Variants in NKD1 observed in about 807,000 individuals in gnomAD.
The protein encoded by NKD1 is protein naked cuticle homolog 1.
A neutral mutation model predicts 56.0 loss-of-function variants in NKD1; 21 were observed. The observed-to-expected ratio is 0.38, with a 90% confidence interval of 0.27 to 0.54. NKD1 has a LOEUF of 0.54. Among genes scored for constraint, NKD1 ranks in the 20% least tolerant of loss-of-function variants. The pLI is 0.82. For missense variants in NKD1, 578 were observed against 642.7 expected, an observed-to-expected ratio of 0.90 and a Z score of 1.09; for synonymous variants, 263 against 265.7, an observed-to-expected ratio of 0.99 and a Z score of 0.10.
At chr16:50,613,542 C>T (rs1351185105) in intron 4 of NKD1, 1 of 152,238 alleles carries the variant, frequency 6.6e-6, no homozygotes, top group Non-Finnish European at 1.5e-5. Flanking sequence ...CTACAGTCCC[C>T]CCAGAAGCTG....
At position 50,630,846 on chromosome 16, in the gene NKD1, C is replaced by A; in HGVS notation, c.631C>A (p.Arg211=). 1 of 1,605,510 alleles carries A rather than the reference C, an allele frequency of 6.2e-7. No homozygotes were observed. The highest frequency in any genetic ancestry group is 2.2e-5 in the East Asian group (1 of 44,514). ...NQADLQSARP[R]AETKPTEDLR... is the part of the protein sequence containing the mutation. ...CTCAGACCTGCAGAGCGCAAGGCCC[C>A]GAGCAGAGACCAAGCCCACTGAGGA... The change falls in exon 8 of 10, where the codon CGA becomes AGA. Residue 211 remains arginine, a synonymous_variant. Coordinates refer to ENST00000268459, the MANE Select transcript of NKD1 (RefSeq NM_033119.5).
intron 3 of NKD1, chr16:50,572,995 C>A: frequency 4.9e-6 from 2 of 407,948 alleles, no homozygotes; most frequent in African/African-American, 2.2e-5. Context: ...CAAATGTAGG[C>A]AACTTTCCTA....
At chr16:50,617,831 G>A (rs1482178907) in intron 4 of NKD1, among the ~76,000 whole-genome samples, 2 of 152,236 alleles carry the variant, frequency 1.3e-5, no homozygotes, top group Admixed American at 6.5e-5. Flanking sequence ...AACTGTCTGT[G>A]CCCTGCTCAT....
chr16:50,548,848 C>T (rs1316360186), intron 2 of NKD1, 99 bp downstream of exon 2: 3 of 1,250,438 alleles, frequency 2.4e-6, no homozygotes, highest in Non-Finnish European at 3.1e-6. Flanking sequence ...CCAGGGCCAC[C>T]CCGAAGCCCC....
At chr16:50,578,504 C>A (rs1483174603) in intron 3 of NKD1, among the ~76,000 whole-genome samples, 1 of 152,158 alleles carries the variant, frequency 6.6e-6, no homozygotes, top group Admixed American at 6.5e-5. Context: ...TTCAGCTGGC[C>A]ATGTCCAGCT....
chr16:50,562,808 C>T (rs997837026), intron 3 of NKD1, among the ~76,000 whole-genome samples: 3 of 152,092 alleles, frequency 2.0e-5, no homozygotes, highest in African/African-American at 7.2e-5. Context: ...ACCTAATGAG[C>T]GACCCTACAG....
intron 3 of NKD1, chr16:50,566,263 C>A: frequency 1.3e-6 from 1 of 740,950 alleles, no homozygotes; most frequent in Non-Finnish European, 1.6e-6. Flanking sequence ...GCTGGATCCA[C>A]CAGCCCAAAC....
At chr16:50,571,525 T>A in intron 3 of NKD1, 1 of 985,338 alleles carries the variant, frequency 1.0e-6, no homozygotes, top group Non-Finnish European at 1.2e-6. Context: ...TTGAGACCCA[T>A]CTGCGCTCCC....
Position 50,633,849 on chromosome 16 carries a change from T to C in NKD1, c.*68T>C. 1 of 695,684 alleles carries C rather than the reference T, an allele frequency of 1.4e-6. No homozygotes were observed. Among genetic ancestry groups the C allele is most frequent in the East Asian group, 2.9e-5 (1 of 33,912 alleles). The allele number at this position is 695,684 out of a possible 1,614,324, so 43.1% of individuals were successfully genotyped here. ...CCCCCGACACCACAAGGCATTATTA[T>C]TCTATTAATTATTGTTATTATGATG... On this transcript the variant is annotated 3_prime_UTR_variant, in exon 10 of 10. Coordinates refer to ENST00000268459, the MANE Select transcript of NKD1 (RefSeq NM_033119.5). The surrounding 1 kb of genome is among the most constrained non-coding windows in gnomAD (Gnocchi z 4.9).
chr16:50,609,494 G>C (rs971836119), intron 4 of NKD1, among the ~76,000 whole-genome samples: 2 of 152,170 alleles, frequency 1.3e-5, no homozygotes, highest in African/African-American at 2.4e-5. Flanking sequence ...AAGGGTCTGC[G>C]GAGGGGGATC....
At position 50,636,493 on chromosome 16, in the gene NKD1, G is replaced by A. The variant is rs921230536; in HGVS notation, c.*2712G>A. The stretch of plus-strand genomic sequence containing the variant: ...CAGGCCTGCCAGCATCCCTGATGCC[G>A]ACTTTCTGGGTGTGGCCTAGGGCCC... On this transcript the variant is annotated 3_prime_UTR_variant, in exon 10 of 10. Coordinates refer to ENST00000268459, the MANE Select transcript of NKD1 (RefSeq NM_033119.5). 6.6e-6 allele frequency: 1 copy of A among 152,214 alleles called. No individual in the cohort carries two copies. 9.4% of individuals were successfully genotyped at this position (152,214 alleles called of 1,614,324 possible).
rs1403173945 is a variant in NKD1 at position 50,567,184 on chromosome 16, C to A, written c.192+17629C>A. Among the ~76,000 whole-genome samples the A allele has an allele frequency of 2.6e-5, 4 of 152,140 alleles. No homozygotes were observed. The South Asian group carries it at 6.2e-4, about 24-fold the overall frequency. On this transcript the variant is annotated intron_variant, in intron 3 of 9. Transcript: ENST00000268459. ...TATAAAAAGAGGAACAGAATGCCCACCGTTTGGAGTTGTTTCAAAGATTAA... is the reference window on the plus strand; with the variant it reads ...TATAAAAAGAGGAACAGAATGCCCAACGTTTGGAGTTGTTTCAAAGATTAA...
intron 3 of NKD1, among the ~76,000 whole-genome samples, chr16:50,567,642 G>A (rs2151265770): frequency 6.6e-6 from 1 of 152,328 alleles, no homozygotes; most frequent in East Asian, 1.9e-4. Flanking sequence ...TCCCTTGTGT[G>A]TTATGGCCCT....
At chr16:50,628,089 C>T (rs1962263449) in intron 6 of NKD1, among the ~76,000 whole-genome samples, 1 of 152,174 alleles carries the variant, frequency 6.6e-6, no homozygotes, top group Admixed American at 6.5e-5. Context: ...TAGGGAGTGC[C>T]TGGAGCCTGG....
In NKD1 at chr16:50,571,087, AGG is replaced by A. The variant is rs1960873271; in HGVS notation, c.192+21533_192+21534del. The stretch of plus-strand genomic sequence containing the variant: ...GGCTGCCTTTGAAGGGAGAGCTGAG[AGG>A]AAAGTGGAGGGGAAGGAGGGGCTGC... On this transcript the variant is annotated intron_variant, in intron 3 of 9. Coordinates refer to ENST00000268459, the MANE Select transcript of NKD1 (RefSeq NM_033119.5). The A allele has an allele frequency of 3.9e-6, 3 of 759,802 alleles. No individual in the cohort carries two copies. The South Asian group carries it at 1.8e-4, about 45-fold the overall frequency. The allele number at this position is 759,802 out of a possible 1,614,324, so 47.1% of individuals were successfully genotyped here.
At position 50,633,136 on chromosome 16, in the gene NKD1, C is replaced by T. The variant is rs541856255; in HGVS notation, c.824-56C>T. On this transcript the variant is annotated intron_variant, in intron 9 of 9. Coordinates refer to ENST00000268459, the MANE Select transcript of NKD1 (RefSeq NM_033119.5). This position sits in a 1 kb window ranked among gnomAD's most constrained non-coding sequence, Gnocchi z 4.9. ...GGCGGGGGTGATGTCTGGGGTATAG[C>T]GCAAGCCCCAGCACACAGTAGGTGC... The T allele has an allele frequency of 1.3e-5, 19 of 1,499,566 alleles. No individual in the cohort carries two copies. The highest frequency in any genetic ancestry group is 9.7e-5 in the African/African-American group (7 of 71,928). The allele number at this position is 1,499,566 out of a possible 1,614,324, so 92.9% of individuals were successfully genotyped here. A position where few individuals can be genotyped will look rare whatever the true frequency, so the allele number is the denominator to read the frequency against.
chr16:50,633,824 C>T lies in NKD1; in HGVS notation c.*43C>T, dbSNP rs938175280. On this transcript the variant is annotated 3_prime_UTR_variant, in exon 10 of 10. Transcript: ENST00000268459. The surrounding 1 kb of genome is among the most constrained non-coding windows in gnomAD (Gnocchi z 4.9). ...CCACCCTGCCATATGAAGGACCCCA[C>T]CCCCGACACCACAAGGCATTATTAT... is the stretch of plus-strand genomic sequence containing the variant. 1.1e-5 allele frequency: 10 copies of T among 899,368 alleles called. No individual in the cohort carries two copies. The African/African-American group carries it at 1.5e-4, about 14-fold the overall frequency. The allele number at this position is 899,368 out of a possible 1,614,324, so 55.7% of individuals were successfully genotyped here.
chr16:50,553,028 G>A (rs373533053), intron 3 of NKD1, among the ~76,000 whole-genome samples: 4 of 152,272 alleles, frequency 2.6e-5, no homozygotes, highest in East Asian at 1.9e-4. Flanking sequence ...CAGCACACGC[G>A]GCAAAGAACA....
chr16:50,585,985 C>G (rs996735258), intron 3 of NKD1, among the ~76,000 whole-genome samples: 1 of 152,140 alleles, frequency 6.6e-6, no homozygotes, highest in African/African-American at 2.4e-5. Context: ...CTAGGCATTG[C>G]TCTAAGGTTT....
Sources: gnomAD v4.1 joint callset for allele counts (sites outside exome capture counted in the v4.1 genomes callset) on GRCh38, gnomAD v4.1.1 for gene constraint, Gnocchi (gnomAD v3.1) non-coding constraint, MANE v1.5 for transcripts, NCBI Gene and HGNC (gene_info 2026-07-23, HGNC 2026-07-21) for gene names.